The following PCDHA6 variants were observed in gnomAD, a reference collection of about 807,000 sequenced individuals.
The protein encoded by PCDHA6 is protocadherin alpha 6.
A neutral mutation model predicts 60.3 loss-of-function variants in PCDHA6; 55 were observed. The observed-to-expected ratio is 0.91, with a 90% CI of 0.73 to 1.14. The LOEUF is 1.14. Ranked by LOEUF, PCDHA6 falls within the 50% of genes most tolerant of loss-of-function variation. PCDHA6 has a pLI of 0.00. For synonymous variants in PCDHA6, 652 were observed against 557.9 expected (o/e 1.17, Z -2.38); for missense variants, 1,327 against 1,256.5 (o/e 1.06, Z -0.85).
At chr5:140,876,437 C>T (rs1554168557) in intron 1 of PCDHA6, 1 of 1,613,906 alleles carries the variant, frequency 6.2e-7, no homozygotes, top group Non-Finnish European at 8.5e-7. Context: ...CAGGTTAACG[C>T]CATTGATAAA....
chr5:140,921,002 C>T (rs909094860), intron 1 of PCDHA6, among the ~76,000 whole-genome samples: 4 of 151,934 alleles, frequency 2.6e-5, no homozygotes, highest in Admixed American at 6.6e-5. Context: ...TTTTCAGAGT[C>T]AGGGTCTTGC....
intron 1 of PCDHA6, chr5:140,843,268 C>T (rs1778736907): frequency 1.3e-6 from 2 of 1,595,984 alleles, no homozygotes; most frequent in East Asian, 2.2e-5. Flanking sequence ...GTCTGCTGGT[C>T]CTGGTGAAGG....
chr5:140,850,264 T>C (rs2150476504), intron 1 of PCDHA6: 2 of 1,594,136 alleles, frequency 1.3e-6, no homozygotes, highest in Admixed American at 1.7e-5. Flanking sequence ...GCCGGCGTAG[T>C]GGTGGGGAAG....
intron 1 of PCDHA6, chr5:140,853,147 G>C (rs1171856097): frequency 1.2e-6 from 1 of 825,412 alleles, no homozygotes; most frequent in Admixed American, 6.4e-5. Context: ...CCAAAATGCT[G>C]GGATTACAGG....
At chr5:140,909,344 C>T (rs900022411) in intron 1 of PCDHA6, among the ~76,000 whole-genome samples, 1 of 152,164 alleles carries the variant, frequency 6.6e-6, no homozygotes, top group Non-Finnish European at 1.5e-5. Context: ...TACCAGGTAC[C>T]AAGAGATGTG....
chr5:140,829,874 C>T lies in PCDHA6; in HGVS notation c.1783C>T (p.Arg595Cys), dbSNP rs2150176706. ...TGCAGGCCAAGTGGTGGCGAAGGTGCGCGCAGTTGACGCCGACTCAGGCTA... is the reference window on the plus strand; with the variant it reads ...TGCAGGCCAAGTGGTGGCGAAGGTGTGCGCAGTTGACGCCGACTCAGGCTA... ...LGAGQVVAKV[R>C]AVDADSGYNA... Residue 595 changes from arginine to cysteine, a missense_variant, in exon 1 of 4, where the codon CGC becomes TGC. Physicochemically the swap from Arg to Cys is radical, Grantham distance 180. Transcript: ENST00000529310. The T allele has an allele frequency of 1.2e-5, 19 of 1,613,808 alleles. No individual in the cohort carries two copies. In the South Asian group the frequency reaches 1.8e-4, roughly 15 times the overall value.
intron 1 of PCDHA6, chr5:140,850,488 G>T: frequency 6.3e-7 from 1 of 1,598,176 alleles, no homozygotes. Context: ...CACGGCCACT[G>T]TGCTGGTGTC....
intron 1 of PCDHA6, among the ~76,000 whole-genome samples, chr5:140,950,427 C>T (rs393858): frequency 0.56 from 85,078 of 151,138 alleles, 24,477 homozygotes; most frequent in African/African-American, 0.69. Flanking sequence ...TTTTCTTCCA[C>T]TTAAAAAAAA....
intron 1 of PCDHA6, chr5:140,967,277 A>G: frequency 6.2e-7 from 1 of 1,613,326 alleles, no homozygotes; most frequent in African/African-American, 1.3e-5. Context: ...TCACATAGAG[A>G]GTGCGCAGGA....
intron 1 of PCDHA6, among the ~76,000 whole-genome samples, chr5:140,970,659 T>C (rs1243959173): frequency 4.6e-5 from 7 of 152,238 alleles, no homozygotes; most frequent in Non-Finnish European, 2.9e-5. Context: ...AATTGTTATC[T>C]TTCCAAATAA....
chr5:140,927,193 C>A, intron 1 of PCDHA6: 1 of 1,614,186 alleles, frequency 6.2e-7, no homozygotes, highest in Non-Finnish European at 8.5e-7. Context: ...CGACCTGGTG[C>A]TCGAGGACCC....
At chr5:140,884,295 C>G in intron 1 of PCDHA6, 1 of 1,613,680 alleles carries the variant, frequency 6.2e-7, no homozygotes, top group Non-Finnish European at 8.5e-7. Flanking sequence ...GGCCAAGCGC[C>G]ACAGGCTTCG....
chr5:140,848,447 C>G, intron 1 of PCDHA6: 1 of 1,507,352 alleles, frequency 6.6e-7, no homozygotes, highest in East Asian at 2.3e-5. Flanking sequence ...ATGATTTCTT[C>G]TAATTTGGAG....
intron 3 of PCDHA6, among the ~76,000 whole-genome samples, chr5:140,984,456 C>T (rs545706582): frequency 8.5e-5 from 13 of 152,286 alleles, no homozygotes; most frequent in African/African-American, 3.1e-4. Context: ...TTCTTACTGT[C>T]CCAGCCCCTC....
At chr5:140,873,653 C>A (rs2054406845) in intron 1 of PCDHA6, among the ~76,000 whole-genome samples, 1 of 152,104 alleles carries the variant, frequency 6.6e-6, no homozygotes, top group Non-Finnish European at 1.5e-5. Context: ...AACTACATAA[C>A]ACACTATTAT....
At chr5:140,990,492 A>G (rs533006418) in intron 3 of PCDHA6, among the ~76,000 whole-genome samples, 1 of 152,308 alleles carries the variant, frequency 6.6e-6, no homozygotes, top group South Asian at 2.1e-4. Flanking sequence ...TAGTGAGGTG[A>G]CATTCCCCAA....
rs1554177749 is a variant in PCDHA6 at position 140,883,345 on chromosome 5, C to T, written c.2394+52860C>T. The T allele has an allele frequency of 1.9e-6, 3 of 1,614,050 alleles. No homozygotes were observed. In the African/African-American group the frequency reaches 4.0e-5, roughly 22 times the overall value. On this transcript the variant is annotated intron_variant, in intron 1 of 3. Transcript: ENST00000529310. ...CCATCACTTCTTTGTCACTCCCCAT[C>T]AGAGAAGACACTCAGCCTAGCGCCA...
At chr5:140,939,335 T>A (rs1195092720) in intron 1 of PCDHA6, among the ~76,000 whole-genome samples, 2 of 152,080 alleles carry the variant, frequency 1.3e-5, no homozygotes, top group Non-Finnish European at 2.9e-5. Context: ...ATCTTAGGGG[T>A]TAGCATTTCA....
intron 1 of PCDHA6, chr5:140,842,743 C>G: frequency 6.3e-7 from 1 of 1,595,140 alleles, no homozygotes; most frequent in Non-Finnish European, 8.6e-7. Flanking sequence ...GCTGCCACAT[C>G]TTCACGGTGT....
Sources: allele counts gnomAD v4.1 joint callset (sites outside exome capture counted in the v4.1 genomes callset), GRCh38; gene constraint gnomAD v4.1.1; transcripts MANE v1.5; gene names NCBI Gene and HGNC (gene_info 2026-07-23, HGNC 2026-07-21).